ELP4: variants seen among roughly 807,000 people sequenced by gnomAD.
ELP4 encodes the protein elongator acetyltransferase complex subunit 4, also known as elongator complex protein 4.
In ELP4, 51 loss-of-function variants were observed where a neutral mutation model predicts 48.9. The observed-to-expected ratio is 1.04, with a 90% CI of 0.83 to 1.32. The LOEUF (loss-of-function observed/expected upper bound fraction) is 1.32, where lower values mean the gene tolerates loss of function less well. Among genes scored for constraint, ELP4 ranks in the 40% most tolerant of loss-of-function variants. The pLI is 0.00. For synonymous variants in ELP4, 210 were observed against 189.2 expected, an observed-to-expected ratio of 1.11 and a Z score of -0.90; for missense variants, 519 against 514.6, an observed-to-expected ratio of 1.01 and a Z score of -0.08.
intron 9 of ELP4, among the ~76,000 whole-genome samples, chr11:31,765,092 T>C (rs1385307267): frequency 6.6e-6 from 1 of 152,148 alleles, no homozygotes; most frequent in African/African-American, 2.4e-5. Context: ...AGAGGATAAT[T>C]ATTAGATTCA....
intron 1 of ELP4, among the ~76,000 whole-genome samples, chr11:31,519,204 A>C (rs560907153): frequency 6.6e-6 from 1 of 152,288 alleles, no homozygotes; most frequent in South Asian, 2.1e-4. Context: ...TGGCAAATAC[A>C]TTCCTTTTAA....
intron 9 of ELP4, among the ~76,000 whole-genome samples, chr11:31,667,568 T>C (rs1413886838): frequency 6.6e-6 from 1 of 152,310 alleles, no homozygotes; most frequent in East Asian, 1.9e-4. Context: ...TTTTAACTAA[T>C]AGTTACCAGT....
At chr11:31,577,640 A>T (rs949937536) in intron 3 of ELP4, among the ~76,000 whole-genome samples, 1 of 152,190 alleles carries the variant, frequency 6.6e-6, no homozygotes, top group East Asian at 1.9e-4. Flanking sequence ...GTGGTTCAAC[A>T]TACGCGAATC....
chr11:31,708,846 A>C (rs561595582), intron 9 of ELP4, among the ~76,000 whole-genome samples: 18 of 152,266 alleles, frequency 1.2e-4, no homozygotes, highest in Non-Finnish European at 2.2e-4. Flanking sequence ...TTCCACTGTT[A>C]GTGTAACTAA....
chr11:31,647,240 G>A (rs534099543), intron 7 of ELP4: 1 of 152,018 alleles, frequency 6.6e-6, no homozygotes, highest in South Asian at 2.1e-4. Flanking sequence ...TTTCTAATAT[G>A]TCACAGAGGA....
intron 9 of ELP4, among the ~76,000 whole-genome samples, chr11:31,751,232 G>T (rs185058471): frequency 6.6e-6 from 1 of 152,202 alleles, no homozygotes; most frequent in Non-Finnish European, 1.5e-5. Context: ...GACTATGGCC[G>T]TATCCAAGAA....
At chr11:31,719,375 A>G (rs796794412) in intron 9 of ELP4, 18 of 395,674 alleles carry the variant, frequency 4.5e-5, no homozygotes, top group East Asian at 3.2e-4. Flanking sequence ...TGGAATGGTT[A>G]TAGATGAAAC....
chr11:31,636,441 C>A (rs1944979100), intron 7 of ELP4, among the ~76,000 whole-genome samples: 1 of 151,818 alleles, frequency 6.6e-6, no homozygotes, highest in Non-Finnish European at 1.5e-5. Context: ...GTTAAACCAG[C>A]CAATCGGTGT....
chr11:31,646,734 A>G (rs1382876368), intron 7 of ELP4: 4 of 151,648 alleles, frequency 2.6e-5, no homozygotes, highest in Non-Finnish European at 4.4e-5. Flanking sequence ...AAATTGCAAA[A>G]TTTTACAAAA....
intron 3 of ELP4, among the ~76,000 whole-genome samples, chr11:31,576,450 A>G (rs1957280600): frequency 6.6e-6 from 1 of 152,218 alleles, no homozygotes. Context: ...CCTAATAGAC[A>G]TCTACAGAAC....
chr11:31,573,819 C>T (rs1210836394), intron 3 of ELP4, among the ~76,000 whole-genome samples: 1 of 150,546 alleles, frequency 6.6e-6, no homozygotes, highest in Non-Finnish European at 1.5e-5. Flanking sequence ...ACTACCATCT[C>T]ATTAGGGGAT....
chr11:31,630,953 GA>G (rs898904071), intron 6 of ELP4, among the ~76,000 whole-genome samples: 1 of 151,620 alleles, frequency 6.6e-6, no homozygotes, highest in African/African-American at 2.4e-5. Flanking sequence ...CAAAAAAAAA[GA>G]AAAAAGAAAG....
At chr11:31,750,345 C>G (rs780175010) in intron 9 of ELP4, among the ~76,000 whole-genome samples, 4 of 152,104 alleles carry the variant, frequency 2.6e-5, no homozygotes, top group South Asian at 2.1e-4. Context: ...TTTCTAAACT[C>G]TGGAGAAACT....
intron 9 of ELP4, among the ~76,000 whole-genome samples, chr11:31,693,011 T>G (rs1216861641): frequency 1.3e-5 from 2 of 152,124 alleles, no homozygotes; most frequent in East Asian, 1.9e-4. Context: ...GTGTCTTGTT[T>G]ATCGCTGATT....
At chr11:31,707,587 T>C (rs984251009) in intron 9 of ELP4, among the ~76,000 whole-genome samples, 7 of 152,312 alleles carry the variant, frequency 4.6e-5, no homozygotes, top group Non-Finnish European at 1.0e-4. Context: ...ACAAGTGATA[T>C]GTGACTAATT....
intron 9 of ELP4, chr11:31,767,517 G>A (rs1246243595): frequency 1.3e-5 from 2 of 151,994 alleles, no homozygotes; most frequent in African/African-American, 4.8e-5. Context: ...TTATCCAAGT[G>A]GAAATTAAAC....
intron 9 of ELP4, among the ~76,000 whole-genome samples, chr11:31,712,245 G>A (rs1461343830): frequency 6.6e-6 from 1 of 151,888 alleles, no homozygotes; most frequent in Non-Finnish European, 1.5e-5. Context: ...TTATTAGTGT[G>A]GAAGTAATGA....
At chr11:31,609,183 G>T (rs906956083) in intron 5 of ELP4, among the ~76,000 whole-genome samples, 1 of 152,184 alleles carries the variant, frequency 6.6e-6, no homozygotes, top group African/African-American at 2.4e-5. Flanking sequence ...GCCACAGAAG[G>T]GAGGCTGCTA....
chr11:31,632,123 C>A, intron 6 of ELP4, 94 bp from the exon 7 acceptor site: 1 of 1,007,666 alleles, frequency 9.9e-7, no homozygotes, highest in Non-Finnish European at 1.4e-6. Flanking sequence ...ACATTGTCTC[C>A]CTGATGTTAT....
Sources: allele counts gnomAD v4.1 joint callset (sites outside exome capture counted in the v4.1 genomes callset), GRCh38; gene constraint gnomAD v4.1.1; transcripts MANE v1.5; gene names NCBI Gene and HGNC (gene_info 2026-07-23, HGNC 2026-07-21).